The following ACAA2 variants were observed in gnomAD, a reference collection of about 807,000 sequenced individuals.
ACAA2 encodes the protein 3-ketoacyl-CoA thiolase, mitochondrial.
Under a neutral mutation model 44.8 loss-of-function variants are expected in ACAA2, and 35 were observed. That is an observed-to-expected ratio of 0.78 (90% CI 0.60 to 1.04). The LOEUF is 1.04. ACAA2 is among the 50% of genes least tolerant of loss of function. ACAA2 has a pLI of 0.00. For missense variants in ACAA2, 468 were observed against 482.6 expected (o/e 0.97, Z 0.28); for synonymous variants, 142 against 166.5 (o/e 0.85, Z 1.13).
In ACAA2 at chr18:49,794,336, A is replaced by G. The variant is rs1359964129; in HGVS notation, c.521T>C (p.Ile174Thr). ...TAENLAVKHK[I>T]SREECDKYAL... Reference sequence around the variant, plus strand: ...ATATTTGTCACATTCTTCTCTGCTTATTTTGTGTTTTACAGCAAGATTCTC... The same window carrying G: ...ATATTTGTCACATTCTTCTCTGCTTGTTTTGTGTTTTACAGCAAGATTCTC... Residue 174 changes from isoleucine (I) to threonine (T), a missense_variant, in exon 5 of 10, where the codon ATA (isoleucine) becomes ACA (threonine). Coordinates refer to ENST00000285093, the MANE Select transcript of ACAA2 (RefSeq NM_006111.3). 2 of 1,610,774 alleles carry G rather than the reference A, an allele frequency of 1.2e-6. No homozygotes were observed. Among genetic ancestry groups the G allele is most frequent in the Admixed American group, 1.7e-5 (1 of 59,790 alleles).
intron 2 of ACAA2, 28 bp downstream of exon 2, chr18:49,802,659 A>G (rs2023567736): frequency 6.3e-7 from 1 of 1,597,802 alleles, no homozygotes; most frequent in African/African-American, 1.3e-5. Context: ...AAGCAATAGG[A>G]GTGAACACCT....
intron 9 of ACAA2, among the ~76,000 whole-genome samples, chr18:49,784,263 G>A (rs1189887588): frequency 6.6e-6 from 1 of 152,214 alleles, no homozygotes; most frequent in African/African-American, 2.4e-5. Context: ...AAAGGAGTGA[G>A]AAGAGGAGGT....
At chr18:49,798,289 G>C (rs956462330) in intron 2 of ACAA2, among the ~76,000 whole-genome samples, 7 of 152,184 alleles carry the variant, frequency 4.6e-5, no homozygotes, top group African/African-American at 1.7e-4. Context: ...GGTCAGGAGA[G>C]TAAGAGGTAG....
intron 1 of ACAA2, among the ~76,000 whole-genome samples, chr18:49,807,377 C>T (rs972180192): frequency 6.6e-6 from 1 of 151,230 alleles, no homozygotes; most frequent in Non-Finnish European, 1.5e-5. Context: ...TCTAAAAAAA[C>T]AGAAACAAAA....
chr18:49,795,930 A>G (rs1054564230), intron 3 of ACAA2, 49 bp from the exon 4 acceptor site: 2 of 1,168,468 alleles, frequency 1.7e-6, no homozygotes, highest in Non-Finnish European at 2.5e-6. Flanking sequence ...GTACCCAAAC[A>G]ATGTATTAAG....
chr18:49,812,097 C>T (rs1309865857), intron 1 of ACAA2, among the ~76,000 whole-genome samples: 1 of 152,152 alleles, frequency 6.6e-6, no homozygotes, highest in Non-Finnish European at 1.5e-5. Flanking sequence ...AAATTCACCA[C>T]GCTGCTTTAT....
intron 1 of ACAA2, among the ~76,000 whole-genome samples, chr18:49,806,123 AC>A (rs2023607948): frequency 6.6e-6 from 1 of 152,220 alleles, no homozygotes; most frequent in Non-Finnish European, 1.5e-5. Flanking sequence ...AGGGAACAGA[AC>A]AGGGTAAGTG....
intron 2 of ACAA2, among the ~76,000 whole-genome samples, chr18:49,799,891 G>A (rs2023518294): frequency 7.4e-6 from 1 of 135,424 alleles, no homozygotes; most frequent in African/African-American, 2.8e-5. Context: ...GAGGTGAGGA[G>A]CGTCTCTGCC....
chr18:49,793,754 T>A (rs532904846), intron 5 of ACAA2, among the ~76,000 whole-genome samples: 1 of 152,232 alleles, frequency 6.6e-6, no homozygotes, highest in African/African-American at 2.4e-5. Flanking sequence ...AGCAACCTGC[T>A]GTGCTACACC....
At chr18:49,798,453 C>A (rs182343947) in intron 2 of ACAA2, among the ~76,000 whole-genome samples, 2 of 151,400 alleles carry the variant, frequency 1.3e-5, no homozygotes, top group Admixed American at 1.3e-4. Flanking sequence ...CCAAGAACCA[C>A]ACTTTGAATA....
intron 5 of ACAA2, among the ~76,000 whole-genome samples, chr18:49,793,429 A>G (rs922136223): frequency 2.0e-5 from 3 of 152,238 alleles, no homozygotes; most frequent in Admixed American, 6.5e-5. Context: ...TGAATAAATG[A>G]TATGACTGAG....
intron 1 of ACAA2, among the ~76,000 whole-genome samples, chr18:49,806,124 C>G (rs961099483): frequency 1.3e-5 from 2 of 152,266 alleles, no homozygotes; most frequent in Middle Eastern, 3.4e-3. Context: ...GGGAACAGAA[C>G]AGGGTAAGTG....
chr18:49,785,501 T>TA (rs1237935085), intron 8 of ACAA2, 150 bp from the exon 9 acceptor site: 3 of 743,698 alleles, frequency 4.0e-6, no homozygotes, highest in Non-Finnish European at 2.2e-6. Context: ...TCATTCTGCA[T>TA]AAAGCTATCA....
In ACAA2 at chr18:49,787,260, TAAAAAAAAAAA is replaced by T. The variant is rs35932656; in HGVS notation, c.954+20_954+30del. On this transcript the variant is annotated intron_variant, in intron 8 of 9. Coordinates refer to ENST00000285093, the MANE Select transcript of ACAA2 (RefSeq NM_006111.3). ...AAAGTACATGGTTTATTCATGTTGT[TAAAAAAAAAAA>T]AAAAAAAAAAAACACTTACCTCTAC... 1.0e-4 allele frequency: 105 copies of T among 1,028,150 alleles called. No homozygotes were observed. The highest frequency in any genetic ancestry group is 1.9e-4 in the Admixed American group (4 of 21,294). 63.7% of individuals were successfully genotyped at this position (1,028,150 alleles called of 1,614,324 possible). A position where few individuals can be genotyped will look rare whatever the true frequency, so the allele number is the denominator to read the frequency against.
rs2023402641 is a variant in ACAA2 at position 49,791,775 on chromosome 18, G to A, written c.754-176C>T. ...GATGAAGGAGATTTTTTAAGGCACA[G>A]AATACAACTTTACTAAAGAACAAGG... is the stretch of plus-strand genomic sequence containing the variant. On this transcript the variant is annotated intron_variant, in intron 6 of 9. Coordinates refer to ENST00000285093, the MANE Select transcript of ACAA2 (RefSeq NM_006111.3). 2.6e-5 allele frequency among the ~76,000 whole-genome samples: 4 copies of A among 151,824 alleles called. 1 individual carries two copies. In the South Asian group the frequency reaches 8.3e-4, roughly 31 times the overall value.
At chr18:49,787,867 C>T (rs907951561) in intron 7 of ACAA2, among the ~76,000 whole-genome samples, 1 of 152,118 alleles carries the variant, frequency 6.6e-6, no homozygotes, top group Non-Finnish European at 1.5e-5. Context: ...GGATCCAAGC[C>T]ATATGCATTC....
intron 2 of ACAA2, among the ~76,000 whole-genome samples, chr18:49,798,778 AT>A (rs1331996196): frequency 6.6e-6 from 1 of 152,146 alleles, no homozygotes; most frequent in African/African-American, 2.4e-5. Context: ...AAATTATCTT[AT>A]TTTACAAATT....
At chr18:49,797,682 C>T in intron 2 of ACAA2, 88 bp from the exon 3 acceptor site, 1 of 1,156,802 alleles carries the variant, frequency 8.6e-7, no homozygotes, top group Non-Finnish European at 1.2e-6. Context: ...TGTTGGCAAT[C>T]TATCAAAAAT....
intron 5 of ACAA2, among the ~76,000 whole-genome samples, chr18:49,793,519 C>T (rs2023430428): frequency 6.6e-6 from 1 of 152,192 alleles, no homozygotes; most frequent in Non-Finnish European, 1.5e-5. Context: ...CCACTATGAA[C>T]ATATAAGTAA....
Sources: gnomAD v4.1 joint callset for allele counts (sites outside exome capture counted in the v4.1 genomes callset) on GRCh38, gnomAD v4.1.1 for gene constraint, MANE v1.5 for transcripts, NCBI Gene and HGNC (gene_info 2026-07-23, HGNC 2026-07-21) for gene names.